The following MRPL10 variants were observed in gnomAD, a reference collection of about 807,000 sequenced individuals.
The protein encoded by MRPL10 is large ribosomal subunit protein uL10m.
A neutral mutation model predicts 19.8 loss-of-function variants in MRPL10; 14 were observed. The observed-to-expected ratio is 0.71, with a 90% CI of 0.47 to 1.11. The LOEUF is 1.11. Ranked by LOEUF, MRPL10 falls within the 50% of genes least tolerant of loss-of-function variation. The pLI is 0.00. For synonymous variants in MRPL10, 129 were observed against 139.2 expected, an observed-to-expected ratio of 0.93 and a Z score of 0.52; for missense variants, 318 against 339.6, an observed-to-expected ratio of 0.94 and a Z score of 0.50.
Position 47,827,120 on chromosome 17 carries a change from C to T in MRPL10, c.307G>A (p.Ala103Thr). ...NRMIAVCQNV[A>T]LSAEDKLLMR... ...AGAAGCTTGTCCTCTGCACTCAGAG[C>T]CACATTCTGGCAGACGGCTATCATT... The change falls in exon 3 of 5, where the codon GCT becomes ACT. Residue 103 changes from alanine (A) to threonine (T), a missense_variant. Transcript: ENST00000351111. The T allele has an allele frequency of 6.2e-7, 1 of 1,614,138 alleles. No homozygotes were observed. Among genetic ancestry groups the T allele is most frequent in the Non-Finnish European group, 8.5e-7 (1 of 1,179,992 alleles).
chr17:47,827,481 C>T (rs1022234785), intron 2 of MRPL10, among the ~76,000 whole-genome samples: 1 of 152,166 alleles, frequency 6.6e-6, no homozygotes, highest in African/African-American at 2.4e-5. Flanking sequence ...TGCAGTCTGC[C>T]CTAGTCAACA....
In MRPL10 at chr17:47,825,445, A is replaced by G. The variant is rs546835749; in HGVS notation, c.533-987T>C. ...GCAGTTCAAGACAAGCCTGGGCAAC[A>G]TGGTGAATACAAATACAAAAAATAC... On this transcript the variant is annotated intron_variant, in intron 4 of 4. Transcript: ENST00000351111. 4.6e-5 allele frequency among the ~76,000 whole-genome samples: 7 copies of G among 152,314 alleles called. No homozygotes were observed. In the East Asian group the frequency reaches 1.4e-3, roughly 29 times the overall value.
At position 47,823,338 on chromosome 17, in the gene MRPL10, G is replaced by C. The variant is rs1177669247; in HGVS notation, c.*867C>G. On this transcript the variant is annotated 3_prime_UTR_variant, in exon 5 of 5. Transcript: ENST00000351111. The stretch of plus-strand genomic sequence containing the variant: ...GCGCGGGATGCCATTTGTGGGAACA[G>C]GTATAGGGGAAGAGGATTTTCCTAG... The C allele has an allele frequency of 6.6e-6, 1 of 152,204 alleles. No homozygotes were observed. The highest frequency in any genetic ancestry group is 1.9e-4 in the East Asian group (1 of 5,198). 9.4% of individuals were successfully genotyped at this position (152,204 alleles called of 1,614,324 possible).
At chr17:47,826,864 AG>A (rs1396190341) in intron 3 of MRPL10, 83 bp from the exon 4 acceptor site, 1 of 1,577,144 alleles carries the variant, frequency 6.3e-7, no homozygotes, top group Non-Finnish European at 8.7e-7. Context: ...CATTAGGCTG[AG>A]GGTGCAACCC....
intron 2 of MRPL10, 157 bp downstream of exon 2, chr17:47,828,344 T>A: frequency 1.9e-6 from 1 of 522,238 alleles, no homozygotes; most frequent in Non-Finnish European, 3.1e-6. Flanking sequence ...CAGAATCAAG[T>A]GCGGATTTCA....
chr17:47,826,177 C>T (rs1282236731), intron 4 of MRPL10, among the ~76,000 whole-genome samples: 1 of 148,996 alleles, frequency 6.7e-6, no homozygotes, highest in Non-Finnish European at 1.5e-5. Flanking sequence ...AATCAGATTC[C>T]TGTCCCGCCC....
chr17:47,827,775 A>G (rs2033557641), intron 2 of MRPL10, among the ~76,000 whole-genome samples: 1 of 151,664 alleles, frequency 6.6e-6, no homozygotes. Context: ...GCATGTGCCT[A>G]TAATCCCAGT....
chr17:47,824,520 T>C, intron 4 of MRPL10, 62 bp from the exon 5 acceptor site: 1 of 1,495,750 alleles, frequency 6.7e-7, no homozygotes, highest in Non-Finnish European at 8.9e-7. Context: ...GAAAACAATA[T>C]TCTGACCCTA....
At chr17:47,830,502 A>G in intron 1 of MRPL10, among the ~76,000 whole-genome samples, 1 of 144,750 alleles carries the variant, frequency 6.9e-6, no homozygotes, top group Non-Finnish European at 1.6e-5. Flanking sequence ...GAATCAAATT[A>G]AACTGGATTT....
At chr17:47,825,462 A>G in intron 4 of MRPL10, among the ~76,000 whole-genome samples, 1 of 152,104 alleles carries the variant, frequency 6.6e-6, no homozygotes, top group East Asian at 1.9e-4. Flanking sequence ...ATACAAATAC[A>G]AAAAATACAA....
chr17:47,831,334 C>A, intron 1 of MRPL10, 126 bp downstream of exon 1: 1 of 1,536,152 alleles, frequency 6.5e-7, no homozygotes, highest in Non-Finnish European at 8.7e-7. Flanking sequence ...AGGAACTGGA[C>A]GGGGTAAGGA....
intron 3 of MRPL10, 53 bp downstream of exon 3, chr17:47,826,987 T>A: frequency 6.5e-7 from 1 of 1,540,404 alleles, no homozygotes; most frequent in South Asian, 1.2e-5. Flanking sequence ...GGTCTGAGTC[T>A]GGTGGGGGTG....
At chr17:47,827,367 A>T (rs1598037482) in intron 2 of MRPL10, among the ~76,000 whole-genome samples, 163 bp from the exon 3 acceptor site, 1 of 152,094 alleles carries the variant, frequency 6.6e-6, no homozygotes, top group Admixed American at 6.5e-5. Context: ...GACATGTAAC[A>T]TCTCCCACTA....
At position 47,824,465 on chromosome 17, in the gene MRPL10, G is replaced by C. The variant is rs2033497957; in HGVS notation, c.533-7C>G. 6.6e-7 allele frequency: 1 copy of C among 1,526,596 alleles called. No homozygotes were observed. Among genetic ancestry groups the C allele is most frequent in the Non-Finnish European group, 8.8e-7 (1 of 1,139,266 alleles). The allele number at this position is 1,526,596 out of a possible 1,614,324, so 94.6% of individuals were successfully genotyped here. On this transcript the variant is annotated splice_polypyrimidine_tract_variant and splice_region_variant and intron_variant, in intron 4 of 4. Coordinates refer to ENST00000351111, the MANE Select transcript of MRPL10 (RefSeq NM_145255.4). Reference sequence around the variant, plus strand: ...GTGTCATCAATGCAGCCACCTGGAAGAACACAGGGTCAGTTAGGCTCCTTG... The same window carrying C: ...GTGTCATCAATGCAGCCACCTGGAACAACACAGGGTCAGTTAGGCTCCTTG...
intron 2 of MRPL10, among the ~76,000 whole-genome samples, chr17:47,827,850 G>A (rs556357711): frequency 8.2e-6 from 1 of 121,694 alleles, no homozygotes; most frequent in Non-Finnish European, 1.6e-5. Flanking sequence ...TGAGCCAAGA[G>A]TGTCCCACTG....
At chr17:47,829,437 A>G (rs2033589618) in intron 1 of MRPL10, 1 of 152,290 alleles carries the variant, frequency 6.6e-6, no homozygotes, top group South Asian at 2.1e-4. Flanking sequence ...AGCCACAGAC[A>G]ATATTTAAAG....
chr17:47,829,126 T>G (rs1403705107), intron 1 of MRPL10: 1 of 154,834 alleles, frequency 6.5e-6, no homozygotes. Flanking sequence ...TAGCCAGGTG[T>G]GGTGGTGTAT....
At chr17:47,831,011 C>G (rs2033620086) in intron 1 of MRPL10, among the ~76,000 whole-genome samples, 1 of 152,222 alleles carries the variant, frequency 6.6e-6, no homozygotes, top group South Asian at 2.1e-4. Flanking sequence ...ATTAAGTGCT[C>G]AAATCCATTC....
At chr17:47,829,904 A>AGAAAG (rs200852925) in intron 1 of MRPL10, among the ~76,000 whole-genome samples, 1 of 151,854 alleles carries the variant, frequency 6.6e-6, no homozygotes, top group African/African-American at 2.4e-5. Context: ...CAAAAAAAAA[A>AGAAAG]AAAGAAAGAA....
Sources: allele counts gnomAD v4.1 joint callset (sites outside exome capture counted in the v4.1 genomes callset), GRCh38; gene constraint gnomAD v4.1.1; transcripts MANE v1.5; gene names NCBI Gene and HGNC (gene_info 2026-07-23, HGNC 2026-07-21).